The following SACS variants were observed in gnomAD, a reference collection of about 807,000 sequenced individuals.
SACS encodes sacsin.
Under a neutral mutation model 348.0 loss-of-function variants are expected in SACS, and 197 were observed. The ratio of observed to expected loss-of-function variants is 0.57; its 90% confidence interval spans 0.50 to 0.64. The LOEUF is 0.64. Among genes scored for constraint, SACS ranks in the 30% least tolerant of loss-of-function variants. The probability of loss-of-function intolerance (pLI) is 0.00; values close to 1 mark genes in which losing one functional copy is unlikely to be tolerated. For synonymous variants in SACS, 1,985 were observed against 1,910.6 expected (o/e 1.04, Z -1.02); for missense variants, 4,999 against 5,360.8 (o/e 0.93, Z 2.11).
Position 23,330,601 on chromosome 13 carries a change from T to C in SACS, c.13275A>G (p.Gly4425=). The C allele has an allele frequency of 6.2e-7, 1 of 1,613,990 alleles. No homozygotes were observed. The highest frequency in any genetic ancestry group is 2.2e-5 in the East Asian group (1 of 44,888). ...QNKEKCPPSA[G]QTYSQRFFVP... ...CAAAGAACCTTTGAGAGTAAGTCTGTCCGGCTGAAGGGGGGCATTTTTCTT... is the reference window on the plus strand; with the variant it reads ...CAAAGAACCTTTGAGAGTAAGTCTGCCCGGCTGAAGGGGGGCATTTTTCTT... The change falls in exon 10 of 10, where the codon GGA becomes GGG. Residue 4425 remains glycine, a synonymous_variant. Coordinates refer to ENST00000382292, the MANE Select transcript of SACS (RefSeq NM_014363.6).
chr13:23,336,950 G>A lies in SACS; in HGVS notation c.6926C>T (p.Thr2309Ile), dbSNP rs1464666191. Residue 2309 changes from threonine to isoleucine, a missense_variant, in exon 10 of 10, where the codon ACA becomes ATA. Thr to Ile is a moderately conservative substitution (Grantham distance 89, BLOSUM62 -1). This residue lies in a region of SACS where 3,156 missense variants were observed against 3,380.1 expected (regional missense o/e 0.93). Transcript: ENST00000382292. The stretch of plus-strand genomic sequence containing the variant: ...ATTGGTGATATTCTCCTGGTACAGT[G>A]TAATTCCATCATCAACTGATTTTGC... The part of the protein sequence containing the change: ...EVAKSVDDGI[T>I]LYQENITNAC... The A allele has an allele frequency of 1.2e-6, 2 of 1,613,910 alleles. No homozygotes were observed. Among genetic ancestry groups the A allele is most frequent in the Admixed American group, 1.7e-5 (1 of 60,002 alleles).
In SACS at chr13:23,339,504, C is replaced by T. The variant is rs1868994666; in HGVS notation, c.4372G>A (p.Glu1458Lys). ...NMGFEQSGQR[E>K]PLTVRIKNIL... ...TTTTTAATTCTTACAGTAAGTGGCT[C>T]TCTTTGTCCTGACTGCTCAAATCCC... Residue 1458 changes from glutamate to lysine, a missense_variant, in exon 10 of 10, where the codon GAG becomes AAG. Glu to Lys is a moderately conservative substitution (Grantham distance 56, BLOSUM62 1). Around this residue, in one of 6 missense-constraint regions of SACS, gnomAD observed 3,156 missense variants for 3,380.1 expected, o/e 0.93. Coordinates refer to ENST00000382292, the MANE Select transcript of SACS (RefSeq NM_014363.6). 6.2e-7 allele frequency: 1 copy of T among 1,611,968 alleles called. No individual in the cohort carries two copies. Among genetic ancestry groups the T allele is most frequent in the Non-Finnish European group, 8.5e-7 (1 of 1,178,658 alleles).
chr13:23,411,345 A>G lies in SACS; in HGVS notation c.-106T>C. On this transcript the variant is annotated 5_prime_UTR_variant, in exon 2 of 10. Transcript: ENST00000382292. ...TCCTTTAAATGTGTACTCCAAGTTCAGCTCTTCCTGCCAGGTGGAAAAAAA... is the reference window on the plus strand; with the variant it reads ...TCCTTTAAATGTGTACTCCAAGTTCGGCTCTTCCTGCCAGGTGGAAAAAAA... 9.6e-7 allele frequency: 1 copy of G among 1,036,606 alleles called. No homozygotes were observed. Among genetic ancestry groups the G allele is most frequent in the South Asian group, 1.3e-5 (1 of 76,552 alleles). The allele number at this position is 1,036,606 out of a possible 1,614,324, so 64.2% of individuals were successfully genotyped here.
At chr13:23,367,883 T>G (rs1871155288) in intron 5 of SACS, among the ~76,000 whole-genome samples, 1 of 152,152 alleles carries the variant, frequency 6.6e-6, no homozygotes, top group African/African-American at 2.4e-5. Flanking sequence ...CATGAGCCAC[T>G]GCGCCCAGCC....
rs61742500 is a variant in SACS, at chr13:23,335,531, G to A, written c.8345C>T (p.Ala2782Val). ...TTTAGTAACACTATCAATTACAGATGCATGAAATTGTTTCCTTTTCAATCT... is the reference window on the plus strand; with the variant it reads ...TTTAGTAACACTATCAATTACAGATACATGAAATTGTTTCCTTTTCAATCT... ...GDRLKRKQFH[A>V]SVIDSVTKKR... The change falls in exon 10 of 10, where the codon GCA (alanine) becomes GTA (valine). Residue 2782 changes from alanine to valine, a missense_variant. Physicochemically the swap from Ala to Val is moderately conservative, Grantham distance 64. Transcript: ENST00000382292. This position sits in a 1 kb window ranked among gnomAD's most constrained non-coding sequence, Gnocchi z 4.7. 2,154 of 1,613,614 alleles carry A rather than the reference G, an allele frequency of 1.3e-3. 20 individuals carry two copies. The African/African-American group carries it at 0.025, about 19-fold the overall frequency.
At position 23,416,002 on chromosome 13, in the gene SACS, G is replaced by A. The variant is rs116534332; in HGVS notation, c.-501-4262C>T. 7.4e-3 allele frequency among the ~76,000 whole-genome samples: 1,130 copies of A among 152,268 alleles called. 10 individuals are homozygous for A. Among genetic ancestry groups the A allele is most frequent in the African/African-American group, 0.026 (1,075 of 41,542 alleles). On this transcript the variant is annotated intron_variant, in intron 1 of 9. Transcript: ENST00000382292. ...ATTTTAAGAATTTAGGAAAAAGGCC[G>A]GGCGTGGTGGCTCACGTCTGTAATC... is the stretch of plus-strand genomic sequence containing the variant.
chr13:23,335,660 A>G lies in SACS; in HGVS notation c.8216T>C (p.Met2739Thr), dbSNP rs1593126634. ...KLRSDGAELL[M>T]FLNHMEKISI... ...AATTTTTTCCATGTGATTAAGAAAC[A>G]TTAGAAGTTCTGCCCCATCTGAGCG... Residue 2739 changes from methionine (M) to threonine (T), a missense_variant, in exon 10 of 10, where the codon ATG becomes ACG. Physicochemically the swap from Met to Thr is moderately conservative, Grantham distance 81 (BLOSUM62 -1). Coordinates refer to ENST00000382292, the MANE Select transcript of SACS (RefSeq NM_014363.6). This position sits in a 1 kb window ranked among gnomAD's most constrained non-coding sequence, Gnocchi z 4.7. The G allele has an allele frequency of 6.2e-7, 1 of 1,614,006 alleles. No homozygotes were observed. Among genetic ancestry groups the G allele is most frequent in the South Asian group, 1.1e-5 (1 of 91,076 alleles).
At chr13:23,373,661 G>A (rs1288888352) in intron 3 of SACS, among the ~76,000 whole-genome samples, 4 of 152,112 alleles carry the variant, frequency 2.6e-5, no homozygotes, top group Admixed American at 6.5e-5. Context: ...TTAGCTGGGC[G>A]TGGTGGCACA....
chr13:23,380,971 C>T (rs1444221554), intron 2 of SACS, among the ~76,000 whole-genome samples: 2 of 152,188 alleles, frequency 1.3e-5, no homozygotes, highest in African/African-American at 4.8e-5. Context: ...CTCATTTTAA[C>T]TCATTTATCA....
chr13:23,338,301 G>T lies in SACS; in HGVS notation c.5575C>A (p.Gln1859Lys). Residue 1859 changes from glutamine to lysine, a missense_variant, in exon 10 of 10, where the codon CAG (glutamine) becomes AAG (lysine). Around this residue, in one of 6 missense-constraint regions of SACS, gnomAD observed 3,156 missense variants for 3,380.1 expected, o/e 0.93. Transcript: ENST00000382292. ...VGVQLSEIQD[Q>K]KWTVKPHIGE... ...ATGTGTGGTTTCACTGTCCACTTCT[G>T]GTCCTGGATTTCTGACAGCTGAACT... 6.2e-7 allele frequency: 1 copy of T among 1,614,126 alleles called. No individual in the cohort carries two copies. The highest frequency in any genetic ancestry group is 8.5e-7 in the Non-Finnish European group (1 of 1,180,002).
Position 23,356,014 on chromosome 13 carries a change from A to G in SACS, c.605-7T>C, listed in dbSNP as rs1486783723. 23 of 1,610,332 alleles carry G rather than the reference A, an allele frequency of 1.4e-5. No homozygotes were observed. Among genetic ancestry groups the G allele is most frequent in the Non-Finnish European group, 1.9e-5 (22 of 1,177,964 alleles). ...CTAAAGATACAAGGAACATCTGTAA[A>G]GAAAAATTTAAGTCATGATCAACTC... On this transcript the variant is annotated splice_region_variant and splice_polypyrimidine_tract_variant and intron_variant, in intron 7 of 9. Coordinates refer to ENST00000382292, the MANE Select transcript of SACS (RefSeq NM_014363.6).
At chr13:23,427,402 C>G (rs1270557050) in intron 1 of SACS, 2 of 152,236 alleles carry the variant, frequency 1.3e-5, no homozygotes, top group African/African-American at 2.4e-5. Context: ...CCACAGCTAG[C>G]AAGCAGATGT....
At chr13:23,370,918 G>C (rs1171207524) in intron 4 of SACS, among the ~76,000 whole-genome samples, 160 bp downstream of exon 4, 1 of 152,192 alleles carries the variant, frequency 6.6e-6, no homozygotes, top group African/African-American at 2.4e-5. Context: ...CTTGAACCCA[G>C]GAGGCAGAGG....
At chr13:23,407,023 G>A (rs1252688311) in intron 2 of SACS, among the ~76,000 whole-genome samples, 1 of 152,140 alleles carries the variant, frequency 6.6e-6, no homozygotes, top group African/African-American at 2.4e-5. Flanking sequence ...AAATAACCAT[G>A]ACCGTGACAC....
rs769400626 is a variant in SACS at position 23,355,403 on chromosome 13, G to A, written c.1209C>T (p.Ile403=). The change falls in exon 8 of 10, where the codon ATC becomes ATT. Residue 403 remains isoleucine, a synonymous_variant. Transcript: ENST00000382292. ...LVCNSVGGRG[I]SSKLDSLADE... ...CAGCTAAAGAGTCAAGCTTACTACTGATCCCTCGCCCACCCACACTGTTAC... is the reference window on the plus strand; with the variant it reads ...CAGCTAAAGAGTCAAGCTTACTACTAATCCCTCGCCCACCCACACTGTTAC... 5.0e-6 allele frequency: 8 copies of A among 1,613,948 alleles called. No homozygotes were observed. The Admixed American group carries it at 6.7e-5, about 13-fold the overall frequency.
chr13:23,332,965 C>T lies in SACS; in HGVS notation c.10911G>A (p.Met3637Ile), dbSNP rs141591052. ...ILLHHIFQER[M>I]DLLSGNFLKE... is the part of the protein sequence containing the mutation. ...TCAGAAAATTTCCAGATAACAAATC[C>T]ATTCGTTCTTGGAATATATGATGCA... The change falls in exon 10 of 10, where the codon ATG becomes ATA. Residue 3637 changes from methionine (M) to isoleucine (I), a missense_variant. Transcript: ENST00000382292. 20 of 1,613,838 alleles carry T rather than the reference C, an allele frequency of 1.2e-5. No homozygotes were observed. The highest frequency in any genetic ancestry group is 1.7e-5 in the Non-Finnish European group (20 of 1,179,882).
intron 1 of SACS, among the ~76,000 whole-genome samples, chr13:23,414,646 C>T (rs1873630942): frequency 6.6e-6 from 1 of 152,340 alleles, no homozygotes; most frequent in South Asian, 2.1e-4. Flanking sequence ...GCATAGAGCT[C>T]TGTGGCAAAT....
chr13:23,363,081 G>C (rs376363316), intron 6 of SACS, among the ~76,000 whole-genome samples: 1 of 150,684 alleles, frequency 6.6e-6, no homozygotes, highest in Non-Finnish European at 1.5e-5. Flanking sequence ...GATAATTTTT[G>C]TATTTGTATT....
chr13:23,355,914 A>G lies in SACS; in HGVS notation c.698T>C (p.Leu233Pro). The change falls in exon 8 of 10, where the codon CTC becomes CCC. Residue 233 changes from leucine (L) to proline (P), a missense_variant. Physicochemically the swap from Leu to Pro is moderately conservative, Grantham distance 98. Coordinates refer to ENST00000382292, the MANE Select transcript of SACS (RefSeq NM_014363.6). ...ACTAATTTCTTTGCTGTCATCTTTGAGATTCCAACATTGGCCTGATTCATG... is the reference window on the plus strand; with the variant it reads ...ACTAATTTCTTTGCTGTCATCTTTGGGATTCCAACATTGGCCTGATTCATG... ...GPHESGQCWN[L>P]KDDSKEISEL... 1.2e-6 allele frequency: 2 copies of G among 1,614,176 alleles called. No homozygotes were observed. The highest frequency in any genetic ancestry group is 1.7e-6 in the Non-Finnish European group (2 of 1,180,008).
Sources: allele counts gnomAD v4.1 joint callset (sites outside exome capture counted in the v4.1 genomes callset), GRCh38; gene constraint gnomAD v4.1.1; regional missense constraint gnomAD v4.1.1; non-coding constraint Gnocchi (gnomAD v3.1); transcripts MANE v1.5; gene names NCBI Gene and HGNC (gene_info 2026-07-23, HGNC 2026-07-21).